The following HNF1B variants were observed in gnomAD, a reference collection of about 807,000 sequenced individuals.
The protein encoded by HNF1B is HNF1 homeobox B, also known as hepatocyte nuclear factor 1-beta.
In HNF1B, 8 loss-of-function variants were observed where a neutral mutation model predicts 61.7. The ratio of observed to expected loss-of-function variants is 0.13; its 90% CI spans 0.08 to 0.23. The LOEUF (loss-of-function observed/expected upper bound fraction) is 0.23, where lower values mean the gene tolerates loss of function less well. HNF1B is among the 10% of genes least tolerant of loss of function. The pLI is 1.00. For synonymous variants in HNF1B, 314 were observed against 287.7 expected, an observed-to-expected ratio of 1.09 and a Z score of -0.93; for missense variants, 562 against 714.5, an observed-to-expected ratio of 0.79 and a Z score of 2.43.
At chr17:37,698,472 T>C (rs1284732367) in intron 8 of HNF1B, among the ~76,000 whole-genome samples, 1 of 152,126 alleles carries the variant, frequency 6.6e-6, no homozygotes, top group Non-Finnish European at 1.5e-5. Flanking sequence ...TTCCCCACTT[T>C]CAGTGCAGCA....
chr17:37,718,494 A>C (rs1340763205), intron 4 of HNF1B, among the ~76,000 whole-genome samples: 4 of 151,992 alleles, frequency 2.6e-5, no homozygotes, highest in Non-Finnish European at 2.9e-5. Context: ...CATTTGACAG[A>C]GTGGAAAACT....
At position 37,733,947 on chromosome 17, in the gene HNF1B, C is replaced by T. The variant is rs902207335; in HGVS notation, c.545-126G>A. 3.5e-6 allele frequency: 4 copies of T among 1,128,530 alleles called. 1 individual carries two copies. The highest frequency in any genetic ancestry group is 5.2e-6 in the Non-Finnish European group (4 of 764,792). 69.9% of individuals were successfully genotyped at this position (1,128,530 alleles called of 1,614,324 possible). A position where few individuals can be genotyped will look rare whatever the true frequency, so the allele number is the denominator to read the frequency against. On this transcript the variant is annotated intron_variant, in intron 2 of 8. Transcript: ENST00000617811. ...TCGTCTAACTAAGCTTTGCAACCTT[C>T]TCTCACTGCATGTGGAGCTGGAGAT...
chr17:37,728,743 G>T (rs971726405), intron 4 of HNF1B: 2 of 152,632 alleles, frequency 1.3e-5, no homozygotes, highest in Non-Finnish European at 2.9e-5. Flanking sequence ...TGAATGCTGG[G>T]CTCCAGCCTG....
chr17:37,739,972 TA>T (rs544296899), intron 1 of HNF1B, among the ~76,000 whole-genome samples: 120 of 150,170 alleles, frequency 8.0e-4, no homozygotes, highest in African/African-American at 2.7e-3. Flanking sequence ...ATTTATTTAT[TA>T]TTATTTTTTT....
Position 37,687,158 on chromosome 17 carries a change from T to TG in HNF1B, c.*213dup, listed in dbSNP as rs1159505425. ...GTCCTTGACATCGTGGGAGAGGCAT[T>TG]GTGGCAATACTGCATAGAAGGGAAA... On this transcript the variant is annotated 3_prime_UTR_variant, in exon 9 of 9. Transcript: ENST00000617811. The TG allele has an allele frequency of 9.9e-6, 7 of 709,030 alleles. No homozygotes were observed. Among genetic ancestry groups the TG allele is most frequent in the Non-Finnish European group, 1.5e-5 (6 of 402,318 alleles). The allele number at this position is 709,030 out of a possible 1,614,324, so 43.9% of individuals were successfully genotyped here. A position where few individuals can be genotyped will look rare whatever the true frequency, so the allele number is the denominator to read the frequency against.
chr17:37,690,370 T>C (rs1246375831), intron 8 of HNF1B, among the ~76,000 whole-genome samples: 3 of 152,182 alleles, frequency 2.0e-5, no homozygotes, highest in Non-Finnish European at 4.4e-5. Flanking sequence ...GTCTCTGTTT[T>C]AGTTTGGTTG....
intron 4 of HNF1B, among the ~76,000 whole-genome samples, chr17:37,727,005 G>C (rs78488282): frequency 0.037 from 5,586 of 152,130 alleles, 174 homozygotes; most frequent in African/African-American, 0.082. Context: ...GCTTGCTGCC[G>C]ACTAGAGCAA....
chr17:37,698,064 C>A (rs1465705130), intron 8 of HNF1B, among the ~76,000 whole-genome samples: 3 of 151,856 alleles, frequency 2.0e-5, no homozygotes, highest in Admixed American at 2.0e-4. Flanking sequence ...GGATAGAGAA[C>A]CCTGATCCCA....
rs771697321 is a variant in HNF1B at position 37,744,915 on chromosome 17, G to T, written c.-31C>A. 6 of 1,392,512 alleles carry T rather than the reference G, an allele frequency of 4.3e-6. No homozygotes were observed. Among genetic ancestry groups the T allele is most frequent in the African/African-American group, 2.8e-5 (2 of 70,180 alleles). 86.3% of individuals were successfully genotyped at this position (1,392,512 alleles called of 1,614,324 possible). On this transcript the variant is annotated 5_prime_UTR_variant, in exon 1 of 9. Transcript: ENST00000617811. The stretch of plus-strand genomic sequence containing the variant: ...AAGGACGGAAAAAGAAGGGGGTGAG[G>T]GGGTGGGTGGGTGCGAGAGAGGAGG...
At chr17:37,713,427 C>T (rs2033001769) in intron 4 of HNF1B, among the ~76,000 whole-genome samples, 1 of 152,228 alleles carries the variant, frequency 6.6e-6, no homozygotes, top group Non-Finnish European at 1.5e-5. Flanking sequence ...TCAGGAGAGA[C>T]TCAAGAGCCA....
chr17:37,686,820 C>T lies in HNF1B; in HGVS notation c.*552G>A, dbSNP rs2031984936. ...CTAATAGACACTTTAGTATTATATA[C>T]AGGGCAGAGGGGAGAGGACACAGAG... On this transcript the variant is annotated 3_prime_UTR_variant, in exon 9 of 9. Coordinates refer to ENST00000617811, the MANE Select transcript of HNF1B (RefSeq NM_000458.4). 4.2e-5 allele frequency: 10 copies of T among 237,614 alleles called. No homozygotes were observed. In the South Asian group the frequency reaches 6.2e-4, roughly 15 times the overall value. 14.7% of individuals were successfully genotyped at this position (237,614 alleles called of 1,614,324 possible).
chr17:37,699,075 C>T lies in HNF1B; in HGVS notation c.1653+1G>A. ...ACCCCCGCAAATCCTGCTGGCATTA[C>T]CTGTTTACTTGAAGACATGTTGGTG... On this transcript the variant is annotated splice_donor_variant, in intron 8 of 8. Coordinates refer to ENST00000617811, the MANE Select transcript of HNF1B (RefSeq NM_000458.4). LOFTEE classifies it high-confidence loss of function. 2 of 1,606,226 alleles carry T rather than the reference C, an allele frequency of 1.2e-6. No individual in the cohort carries two copies. The highest frequency in any genetic ancestry group is 1.7e-6 in the Non-Finnish European group (2 of 1,172,760).
intron 4 of HNF1B, 41 bp downstream of exon 4, chr17:37,731,554 T>C (rs1407721785): frequency 3.3e-6 from 5 of 1,501,576 alleles, no homozygotes; most frequent in Admixed American, 3.8e-5. Flanking sequence ...AGAACCAGGA[T>C]GGTTGGGTTG....
In HNF1B at chr17:37,710,737, G is replaced by C. The variant is rs565210987; in HGVS notation, c.1046-74C>G. On this transcript the variant is annotated intron_variant, in intron 4 of 8. Transcript: ENST00000617811. ...CTGGAACAATGACTCGGCACCTCTTGTTTTCAAGGGTGGGTAATAAGAAAA... is the reference window on the plus strand; with the variant it reads ...CTGGAACAATGACTCGGCACCTCTTCTTTTCAAGGGTGGGTAATAAGAAAA... 6.6e-4 allele frequency: 947 copies of C among 1,426,864 alleles called. 2 individuals carry two copies. The highest frequency in any genetic ancestry group is 8.7e-4 in the Non-Finnish European group (896 of 1,028,150). The allele number at this position is 1,426,864 out of a possible 1,614,324, so 88.4% of individuals were successfully genotyped here.
intron 4 of HNF1B, among the ~76,000 whole-genome samples, chr17:37,727,188 T>C (rs1282081068): frequency 6.6e-6 from 1 of 152,108 alleles, no homozygotes; most frequent in Non-Finnish European, 1.5e-5. Flanking sequence ...CCCTCTGACC[T>C]TTTAGGGGCC....
rs1283353465 is a variant in HNF1B, at chr17:37,699,133, C to T, written c.1596G>A (p.Met532Ile). Reference sequence around the variant, plus strand: ...TGATGCTGCTGGTATCTGTGACCACCATTGCAGATGGAAACCGGGAGGTGT... The same window carrying T: ...TGATGCTGCTGGTATCTGTGACCACTATTGCAGATGGAAACCGGGAGGTGT... Reference protein sequence around the residue: ...YSHTSRFPSAMVVTDTSSIST... With the variant: ...YSHTSRFPSAIVVTDTSSIST... Residue 532 changes from methionine (M) to isoleucine (I), a missense_variant, in exon 8 of 9, where the codon ATG (methionine) becomes ATA (isoleucine). By Grantham distance (10) the Met-to-Ile change is conservative. This residue lies in a region of HNF1B where 64 missense variants were observed against 96.9 expected (regional missense o/e 0.66). Coordinates refer to ENST00000617811, the MANE Select transcript of HNF1B (RefSeq NM_000458.4). 1 of 1,614,136 alleles carries T rather than the reference C, an allele frequency of 6.2e-7. No homozygotes were observed. Among genetic ancestry groups the T allele is most frequent in the East Asian group, 2.2e-5 (1 of 44,880 alleles).
intron 8 of HNF1B, among the ~76,000 whole-genome samples, chr17:37,694,158 T>C (rs1435689294): frequency 1.3e-5 from 2 of 152,208 alleles, no homozygotes; most frequent in African/African-American, 4.8e-5. Context: ...CCAGGTGCAG[T>C]GGCTCACGCC....
At chr17:37,727,336 G>A (rs1001263531) in intron 4 of HNF1B, among the ~76,000 whole-genome samples, 6 of 152,230 alleles carry the variant, frequency 3.9e-5, no homozygotes, top group South Asian at 2.1e-4. Context: ...GGGTGGGGGC[G>A]GATAAAGGCC....
intron 4 of HNF1B, among the ~76,000 whole-genome samples, chr17:37,722,408 A>AACTTAAGTGCTC (rs1235814935): frequency 1.3e-5 from 2 of 152,174 alleles, no homozygotes; most frequent in Admixed American, 6.5e-5. Context: ...AGAAGCTAAT[A>AACTTAAGTGCTC]ACTTAAGGTC....
Sources: gnomAD v4.1 joint callset for allele counts (sites outside exome capture counted in the v4.1 genomes callset) on GRCh38, gnomAD v4.1.1 for gene constraint, gnomAD v4.1.1 regional missense constraint, MANE v1.5 for transcripts, NCBI Gene and HGNC (gene_info 2026-07-23, HGNC 2026-07-21) for gene names.